Variants in PDE4D observed in about 807,000 individuals in gnomAD.
PDE4D encodes phosphodiesterase 4D, also known as 3',5'-cyclic-AMP phosphodiesterase 4D.
Under a neutral mutation model 87.4 loss-of-function variants are expected in PDE4D, and 24 were observed. The ratio of observed to expected loss-of-function variants is 0.27; its 90% CI spans 0.20 to 0.39. The LOEUF is 0.39. Among genes scored for constraint, PDE4D ranks in the 10% least tolerant of loss-of-function variants. PDE4D has a pLI of 1.00. For missense variants in PDE4D, 714 were observed against 1,041.0 expected (o/e 0.69, Z 4.32); for synonymous variants, 384 against 383.2 (o/e 1.00, Z -0.02).
intron 1 of PDE4D, chr5:60,372,692 T>C (rs975734773): frequency 2.6e-5 from 4 of 152,212 alleles, no homozygotes; most frequent in African/African-American, 4.8e-5. Flanking sequence ...GAGTTTCCTT[T>C]GACACGTACT....
chr5:60,185,186 G>C (rs1027137014), intron 2 of PDE4D, among the ~76,000 whole-genome samples: 1 of 152,080 alleles, frequency 6.6e-6, no homozygotes, highest in Non-Finnish European at 1.5e-5. Flanking sequence ...AATAACATAA[G>C]TATAATTTAT....
Position 60,193,703 on chromosome 5 carries a change from G to GA in PDE4D, c.-89-8017dup, listed in dbSNP as rs1005482601. ...AAAAAAAAAAAAAAAGAAAGAAAAAGAAAAAAAGAAAAGAAAAAGCTGTCA... is the reference window on the plus strand; with the variant it reads ...AAAAAAAAAAAAAAAGAAAGAAAAAGAAAAAAAAGAAAAGAAAAAGCTGTCA... On this transcript the variant is annotated intron_variant, in intron 1 of 16. Coordinates refer to the PDE4D transcript ENST00000502484. Among the ~76,000 whole-genome samples, 5 of 134,940 alleles carry GA rather than the reference G, an allele frequency of 3.7e-5. 1 individual carries two copies. Among genetic ancestry groups the GA allele is most frequent in the Non-Finnish European group, 8.1e-5 (5 of 61,572 alleles). 88.5% of individuals were successfully genotyped at this position (134,940 alleles called of 152,430 possible). A position where few individuals can be genotyped will look rare whatever the true frequency, so the allele number is the denominator to read the frequency against.
rs534137968 is a variant in PDE4D, at chr5:59,430,097, G to C, written c.456-214129C>G. Among the ~76,000 whole-genome samples, 4 of 152,276 alleles carry C rather than the reference G, an allele frequency of 2.6e-5. No homozygotes were observed. In the South Asian group the frequency reaches 8.3e-4, roughly 32 times the overall value. On this transcript the variant is annotated intron_variant, in intron 1 of 14. Transcript: ENST00000340635. ...TTAAAATCTACAGACCTTGAAACCA[G>C]ATCAGCTTTTGCTAAATAGCTAAAC...
chr5:58,991,809 C>A (rs764559223), intron 8 of PDE4D, 23 bp downstream of exon 8: 2 of 1,402,020 alleles, frequency 1.4e-6, no homozygotes, highest in Non-Finnish European at 1.9e-6. Flanking sequence ...TATTTATGAT[C>A]CTGATCTTTG....
chr5:59,109,243 G>A (rs995499014), intron 5 of PDE4D, among the ~76,000 whole-genome samples: 3 of 152,042 alleles, frequency 2.0e-5, no homozygotes, highest in African/African-American at 7.2e-5. Flanking sequence ...CATTGTTCTA[G>A]TCCCTTGGAT....
At chr5:60,298,735 T>A (rs556396151) in intron 1 of PDE4D, among the ~76,000 whole-genome samples, 34 of 152,364 alleles carry the variant, frequency 2.2e-4, no homozygotes, top group African/African-American at 8.2e-4. Flanking sequence ...TATCCATCAA[T>A]GAGGATGATT....
In PDE4D at chr5:59,503,747, A is replaced by C. The variant is rs114340259; in HGVS notation, c.456-287779T>G. On this transcript the variant is annotated intron_variant, in intron 1 of 14. Coordinates refer to ENST00000340635, the MANE Select transcript of PDE4D (RefSeq NM_001104631.2). ...GGCCCCAGGTATGGTGAGTAAGCCC[A>C]CCTGAAATAGAAGGTGGTTTACTTT... Among the ~76,000 whole-genome samples, 670 of 152,286 alleles carry C rather than the reference A, an allele frequency of 4.4e-3. 3 individuals carry two copies. Among genetic ancestry groups the C allele is most frequent in the African/African-American group, 0.015 (618 of 41,558 alleles).
chr5:59,013,976 G>T lies in PDE4D; in HGVS notation c.922-20511C>A, dbSNP rs147067550. The stretch of plus-strand genomic sequence containing the variant: ...ATCAAGTGGGCTTCATCCCTGGGAT[G>T]CAAGGCTGCTTCAACATATGCAAAT... On this transcript the variant is annotated intron_variant, in intron 6 of 14. Transcript: ENST00000340635. Among the ~76,000 whole-genome samples the T allele has an allele frequency of 3.9e-5, 6 of 152,352 alleles. No homozygotes were observed. In the East Asian group the frequency reaches 1.2e-3, roughly 29 times the overall value.
At chr5:59,629,516 G>T (rs188539275) in intron 1 of PDE4D, among the ~76,000 whole-genome samples, 1 of 152,044 alleles carries the variant, frequency 6.6e-6, no homozygotes, top group East Asian at 1.9e-4. Context: ...ACAGAGAGAA[G>T]GCCATCTACA....
chr5:59,428,455 A>G (rs1038590356), intron 1 of PDE4D, among the ~76,000 whole-genome samples: 1 of 152,074 alleles, frequency 6.6e-6, no homozygotes, highest in Non-Finnish European at 1.5e-5. Flanking sequence ...GTAATTAGAA[A>G]ACAATTTTCT....
chr5:59,487,473 G>C (rs1363473401), intron 1 of PDE4D, among the ~76,000 whole-genome samples: 1 of 152,210 alleles, frequency 6.6e-6, no homozygotes, highest in Non-Finnish European at 1.5e-5. Flanking sequence ...GACTTGCTGA[G>C]TGACCTTGGA....
chr5:59,192,063 A>G (rs747013179), intron 3 of PDE4D, among the ~76,000 whole-genome samples: 1 of 152,180 alleles, frequency 6.6e-6, no homozygotes, highest in Non-Finnish European at 1.5e-5. Flanking sequence ...ATTGTATTTT[A>G]TTTTTAATTG....
At chr5:59,045,556 CAAAAAAAAA>C (rs36051277) in intron 5 of PDE4D, among the ~76,000 whole-genome samples, 1 of 70,978 alleles carries the variant, frequency 1.4e-5, no homozygotes, top group Non-Finnish European at 2.7e-5. Context: ...AACTCTGTCT[CAAAAAAAAA>C]AAAAAAAAAA....
intron 1 of PDE4D, among the ~76,000 whole-genome samples, chr5:59,394,211 G>C (rs1320529974): frequency 6.6e-6 from 1 of 152,148 alleles, no homozygotes; most frequent in Non-Finnish European, 1.5e-5. Flanking sequence ...TGTCTCATCG[G>C]CAAGCCTGCA....
At chr5:60,010,759 C>A (rs970870379) in intron 2 of PDE4D, among the ~76,000 whole-genome samples, 4 of 152,130 alleles carry the variant, frequency 2.6e-5, no homozygotes, top group African/African-American at 9.7e-5. Context: ...TTGAGATTAT[C>A]TTTAGTTCTA....
intron 1 of PDE4D, among the ~76,000 whole-genome samples, chr5:60,283,532 A>G (rs987469690): frequency 1.3e-5 from 2 of 152,230 alleles, no homozygotes; most frequent in Non-Finnish European, 2.9e-5. Flanking sequence ...ATGTTTTAAA[A>G]GAAATAAAAA....
chr5:59,287,303 T>G (rs1382500190), intron 1 of PDE4D, among the ~76,000 whole-genome samples: 1 of 151,858 alleles, frequency 6.6e-6, no homozygotes, highest in East Asian at 1.9e-4. Context: ...GGGGCAGTGG[T>G]GGCCACAGGG....
intron 5 of PDE4D, among the ~76,000 whole-genome samples, chr5:59,051,968 CT>C (rs1279460198): frequency 6.6e-6 from 1 of 152,082 alleles, no homozygotes; most frequent in Non-Finnish European, 1.5e-5. Context: ...CTTTTTCCCC[CT>C]GAAAGAGAAT....
In PDE4D at chr5:59,649,905, CTTTTTTTT is replaced by C. The variant is rs1156467369; in HGVS notation, c.455+243255_455+243262del. Among the ~76,000 whole-genome samples, 149 of 72,436 alleles carry C rather than the reference CTTTTTTTT, an allele frequency of 2.1e-3. 2 individuals are homozygous for C. The highest frequency in any genetic ancestry group is 9.1e-3 in the African/African-American group (138 of 15,160). 47.5% of individuals were successfully genotyped at this position (72,436 alleles called of 152,430 possible). On this transcript the variant is annotated intron_variant, in intron 1 of 14. Coordinates refer to ENST00000340635, the MANE Select transcript of PDE4D (RefSeq NM_001104631.2). ...GTTAAAATGTTGATAGTTTGTGAAC[CTTTTTTTT>C]TTTTTTTTTTTTTTTTTTTAGCAAT...
Sources: allele counts gnomAD v4.1 joint callset (sites outside exome capture counted in the v4.1 genomes callset), GRCh38; gene constraint gnomAD v4.1.1; transcripts MANE v1.5; gene names NCBI Gene and HGNC (gene_info 2026-07-23, HGNC 2026-07-21).